Variants in DDX31 observed in about 807,000 individuals in gnomAD.
DDX31 encodes the protein ATP-dependent DNA helicase DDX31.
In DDX31, 70 loss-of-function variants were observed where a neutral mutation model predicts 91.3. That is an observed-to-expected ratio of 0.77 (90% CI 0.63 to 0.94). DDX31 has a LOEUF of 0.94. Among genes scored for constraint, DDX31 ranks in the 40% least tolerant of loss-of-function variants. DDX31 has a pLI of 0.00. For missense variants in DDX31, 902 were observed against 925.0 expected (o/e 0.98, Z 0.32); for synonymous variants, 362 against 350.6 (o/e 1.03, Z -0.36).
chr9:132,654,685 C>T (rs934328044), intron 6 of DDX31, among the ~76,000 whole-genome samples: 1 of 151,980 alleles, frequency 6.6e-6, no homozygotes, highest in African/African-American at 2.4e-5. Flanking sequence ...GTGGCTCATG[C>T]CTGTAATCCC....
At chr9:132,622,519 A>G (rs1832099503) in intron 17 of DDX31, among the ~76,000 whole-genome samples, 1 of 152,236 alleles carries the variant, frequency 6.6e-6, no homozygotes, top group Non-Finnish European at 1.5e-5. Context: ...GCCCTTCTAC[A>G]GCTTCCCTGC....
Position 132,651,266 on chromosome 9 carries a change from GTTC to G in DDX31, c.634-153_634-151del, listed in dbSNP as rs1834169049. The G allele has an allele frequency of 7.8e-6, 5 of 642,016 alleles. No homozygotes were observed. The South Asian group carries it at 1.1e-4, about 14-fold the overall frequency. 39.8% of individuals were successfully genotyped at this position (642,016 alleles called of 1,614,324 possible). A position where few individuals can be genotyped will look rare whatever the true frequency, so the allele number is the denominator to read the frequency against. ...CTATACACAGAATCTAATATACCTT[GTTC>G]TTAGACTGGTTCTGCAACCTGTCAG... On this transcript the variant is annotated intron_variant, in intron 7 of 19. Transcript: ENST00000372159.
intron 17 of DDX31, among the ~76,000 whole-genome samples, chr9:132,624,166 C>CAAAAAAAAAAAAAAAAA (rs4021852): frequency 1.4e-5 from 1 of 71,464 alleles, no homozygotes; most frequent in Non-Finnish European, 2.6e-5. Context: ...GACTCCGTCT[C>CAAAAAAAAAAAAAAAAA]AAAAAAAAAA....
At chr9:132,614,664 C>T (rs1831531971) in intron 18 of DDX31, among the ~76,000 whole-genome samples, 1 of 152,120 alleles carries the variant, frequency 6.6e-6, no homozygotes. Context: ...CACCTCTCTT[C>T]CTCTCCTCCT....
At chr9:132,661,476 GA>G (rs1406627780) in intron 3 of DDX31, among the ~76,000 whole-genome samples, 5 of 152,154 alleles carry the variant, frequency 3.3e-5, no homozygotes, top group Admixed American at 6.5e-5. Context: ...ATAACCAGGG[GA>G]GGGGGGCACT....
At chr9:132,665,158 C>G (rs920010013) in intron 1 of DDX31, among the ~76,000 whole-genome samples, 12 of 152,218 alleles carry the variant, frequency 7.9e-5, no homozygotes, top group Non-Finnish European at 5.9e-5. Context: ...AGCACTGTAT[C>G]CCCTGTATAG....
At position 132,658,722 on chromosome 9, in the gene DDX31, G is replaced by A; in HGVS notation, c.537C>T (p.Ala179=). 6.2e-7 allele frequency: 1 copy of A among 1,613,808 alleles called. No homozygotes were observed. The highest frequency in any genetic ancestry group is 8.5e-7 in the Non-Finnish European group (1 of 1,179,908). The change falls in exon 6 of 20, where the codon GCC becomes GCT. Residue 179 remains alanine (A), a synonymous_variant. Transcript: ENST00000372159. ...RSQTGSGKTL[A]YCIPVVQSLQ... The stretch of plus-strand genomic sequence containing the variant: ...GGGACTGGACCACAGGGATGCAATA[G>A]GCAAGAGTTTTACCTTTCAAAAAAA...
chr9:132,618,585 A>G, intron 17 of DDX31, 144 bp from the exon 18 acceptor site: 1 of 601,322 alleles, frequency 1.7e-6, no homozygotes. Context: ...TTACTAGGAA[A>G]AAAGGGAGCT....
chr9:132,623,130 A>C (rs1205826526), intron 17 of DDX31, among the ~76,000 whole-genome samples: 1 of 133,700 alleles, frequency 7.5e-6, no homozygotes, highest in Non-Finnish European at 1.7e-5. Context: ...ACTCCATCTC[A>C]AAAAAAAAAA....
At chr9:132,607,860 A>G (rs541108385) in intron 19 of DDX31, among the ~76,000 whole-genome samples, 1 of 152,072 alleles carries the variant, frequency 6.6e-6, no homozygotes, top group African/African-American at 2.4e-5. Flanking sequence ...CATCGTTTCT[A>G]TATTATTGAG....
intron 19 of DDX31, among the ~76,000 whole-genome samples, chr9:132,602,093 G>A (rs73659421): frequency 4.2e-4 from 64 of 152,336 alleles, no homozygotes; most frequent in African/African-American, 1.3e-3. Flanking sequence ...TACACACAGC[G>A]TTTGAATCTC....
chr9:132,650,997 AAAG>A, intron 8 of DDX31, 75 bp downstream of exon 8: 1 of 1,308,064 alleles, frequency 7.6e-7, no homozygotes, highest in East Asian at 2.3e-5. Context: ...CTTTGAAAAT[AAAG>A]AATAGACTGT....
At chr9:132,624,154 G>A (rs570394111) in intron 17 of DDX31, among the ~76,000 whole-genome samples, 26 of 116,000 alleles carry the variant, frequency 2.2e-4, no homozygotes, top group African/African-American at 8.9e-4. Context: ...GCGACAGAGC[G>A]AGACTCCGTC....
chr9:132,596,573 C>A (rs1288564520), intron 19 of DDX31, among the ~76,000 whole-genome samples: 1 of 152,226 alleles, frequency 6.6e-6, no homozygotes, highest in African/African-American at 2.4e-5. Flanking sequence ...CAATCTCTTA[C>A]AATCCTCGCT....
In DDX31 at chr9:132,594,653, G is replaced by T; in HGVS notation, c.*213C>A. ...AAGACACAGACCCCTTCCGTCGGGAGCTGGCTAGTCTCTACAGTGCCCCAC... is the reference window on the plus strand; with the variant it reads ...AAGACACAGACCCCTTCCGTCGGGATCTGGCTAGTCTCTACAGTGCCCCAC... On this transcript the variant is annotated 3_prime_UTR_variant, in exon 20 of 20. Transcript: ENST00000372159. The T allele has an allele frequency of 2.8e-6, 2 of 703,544 alleles. No individual in the cohort carries two copies. Among genetic ancestry groups the T allele is most frequent in the Non-Finnish European group, 4.6e-6 (2 of 436,940 alleles). 43.6% of individuals were successfully genotyped at this position (703,544 alleles called of 1,614,324 possible). A position where few individuals can be genotyped will look rare whatever the true frequency, so the allele number is the denominator to read the frequency against.
intron 6 of DDX31, among the ~76,000 whole-genome samples, chr9:132,653,618 C>A (rs1007939245): frequency 2.1e-5 from 3 of 144,898 alleles, no homozygotes; most frequent in Admixed American, 6.9e-5. Context: ...TATACAAAAT[C>A]TATATGAAGA....
intron 5 of DDX31, 121 bp from the exon 6 acceptor site, chr9:132,658,856 G>A: frequency 1.2e-6 from 1 of 841,304 alleles, no homozygotes; most frequent in South Asian, 1.9e-5. Flanking sequence ...TAGGGAAAGG[G>A]AAACTGCCCA....
At chr9:132,632,237 CGT>C (rs35126244) in intron 14 of DDX31, 146 bp from the exon 15 acceptor site, 170,121 of 296,048 alleles carry the variant, frequency 0.57, 59,824 homozygotes, top group Admixed American at 0.71. Flanking sequence ...ATGCCCAGTA[CGT>C]GTACACACAC....
Position 132,651,130 on chromosome 9 carries a change from A to T in DDX31, c.634-14T>A, listed in dbSNP as rs766629857. ...TTGTAGAGCTAGCTGTAAAAATTTTAAAAGTTATAGATGATGAACAGGATC... is the reference window on the plus strand; with the variant it reads ...TTGTAGAGCTAGCTGTAAAAATTTTTAAAGTTATAGATGATGAACAGGATC... On this transcript the variant is annotated splice_polypyrimidine_tract_variant and intron_variant, in intron 7 of 19. Transcript: ENST00000372159. The T allele has an allele frequency of 4.4e-6, 7 of 1,606,226 alleles. No individual in the cohort carries two copies. Among genetic ancestry groups the T allele is most frequent in the Non-Finnish European group, 5.9e-6 (7 of 1,176,522 alleles).
Sources: allele counts gnomAD v4.1 joint callset (sites outside exome capture counted in the v4.1 genomes callset), GRCh38; gene constraint gnomAD v4.1.1; transcripts MANE v1.5; gene names NCBI Gene and HGNC (gene_info 2026-07-23, HGNC 2026-07-21).